DNAH17: variants seen among roughly 807,000 people sequenced by gnomAD.
DNAH17 encodes the protein dynein axonemal heavy chain 17.
A neutral mutation model predicts 485.6 loss-of-function variants in DNAH17; 376 were observed. The ratio of observed to expected loss-of-function variants is 0.77; its 90% CI spans 0.71 to 0.84. DNAH17 has a LOEUF of 0.84. DNAH17 is among the 40% of genes least tolerant of loss of function. The probability of loss-of-function intolerance (pLI) is 0.00; values close to 1 mark genes in which losing one functional copy is unlikely to be tolerated. For missense variants in DNAH17, 6,370 were observed against 5,839.3 expected, an observed-to-expected ratio of 1.09 and a Z score of -2.96; for synonymous variants, 3,031 against 2,405.9, an observed-to-expected ratio of 1.26 and a Z score of -7.60.
Position 78,466,850 on chromosome 17 carries a change from G to A in DNAH17, c.8779-34C>T, listed in dbSNP as rs62073517. On this transcript the variant is annotated intron_variant, in intron 55 of 80. Coordinates refer to ENST00000389840, the MANE Select transcript of DNAH17 (RefSeq NM_173628.4). ...GGGAGACACAGATGCGCTGCCTACT[G>A]GGACTGCAGTGCTGGGGCCTAATCC... 16 of 1,522,878 alleles carry A rather than the reference G, an allele frequency of 1.1e-5. No homozygotes were observed. In the African/African-American group the frequency reaches 1.3e-4, roughly 12 times the overall value. The allele number at this position is 1,522,878 out of a possible 1,614,324, so 94.3% of individuals were successfully genotyped here.
chr17:78,498,101 A>C (rs910641301), intron 37 of DNAH17, among the ~76,000 whole-genome samples: 2 of 151,904 alleles, frequency 1.3e-5, no homozygotes, highest in African/African-American at 2.4e-5. Flanking sequence ...AGACTGTGCC[A>C]TTGCACTCCA....
At chr17:78,541,331 G>T (rs1273190101) in intron 17 of DNAH17, among the ~76,000 whole-genome samples, 1 of 135,904 alleles carries the variant, frequency 7.4e-6, no homozygotes, top group African/African-American at 2.8e-5. Flanking sequence ...GGGTGGGTAG[G>T]GTGGGTGGAT....
chr17:78,501,429 G>T (rs576660935), intron 34 of DNAH17, 85 bp from the exon 35 acceptor site: 169 of 1,469,792 alleles, frequency 1.1e-4, no homozygotes, highest in Non-Finnish European at 1.5e-4. Context: ...CTCCAAGGCC[G>T]GTCCCCTGCT....
At chr17:78,485,511 G>A (rs1041650218) in intron 47 of DNAH17, 39 bp downstream of exon 47, 21 of 1,531,216 alleles carry the variant, frequency 1.4e-5, no homozygotes, top group East Asian at 9.7e-5. Context: ...ACTGGCGGGG[G>A]GCAGCCGGGT....
At chr17:78,529,414 G>A (rs540924822) in intron 22 of DNAH17, 58 bp downstream of exon 22, 15 of 1,562,820 alleles carry the variant, frequency 9.6e-6, no homozygotes, top group South Asian at 6.7e-5. Context: ...GTCCATGGTC[G>A]CGGCCGGGAT....
At position 78,553,068 on chromosome 17, in the gene DNAH17, C is replaced by G. The variant is rs567404051; in HGVS notation, c.2179-263G>C. Among the ~76,000 whole-genome samples, 41 of 152,096 alleles carry G rather than the reference C, an allele frequency of 2.7e-4. 1 individual carries two copies. The East Asian group carries it at 7.6e-3, about 28-fold the overall frequency. On this transcript the variant is annotated intron_variant, in intron 14 of 80. Coordinates refer to ENST00000389840, the MANE Select transcript of DNAH17 (RefSeq NM_173628.4). The stretch of plus-strand genomic sequence containing the variant: ...GATAGTGAATGAATTCTCGTGCAAT[C>G]TCCTTTTTAAACAGGTGTAGCACCT...
In DNAH17 at chr17:78,574,743, G is replaced by A. The variant is rs771413243; in HGVS notation, c.315C>T (p.Pro105=). ...RLLYGDISPT[P]VDQLIAVVEE... is the part of the protein sequence containing the mutation. ...CCACCACCGCGATCAGCTGGTCCAC[G>A]GGTGTGGGGCTGATGTCGCCGTAAA... Residue 105 remains proline, a synonymous_variant, in exon 2 of 81, where the codon CCC becomes CCT. Transcript: ENST00000389840. 12 of 1,612,308 alleles carry A rather than the reference G, an allele frequency of 7.4e-6. No individual in the cohort carries two copies. The highest frequency in any genetic ancestry group is 2.7e-5 in the African/African-American group (2 of 75,014).
chr17:78,525,210 GC>G (rs2091035614), intron 24 of DNAH17, 49 bp from the exon 25 acceptor site: 2 of 1,585,940 alleles, frequency 1.3e-6, no homozygotes, highest in African/African-American at 1.3e-5. Flanking sequence ...CCTCAGCGGT[GC>G]CCCACCCCAC....
In DNAH17 at chr17:78,505,403, G is replaced by A. The variant is rs2090454367; in HGVS notation, c.4846C>T (p.Leu1616=). 1 of 1,614,014 alleles carries A rather than the reference G, an allele frequency of 6.2e-7. No individual in the cohort carries two copies. ...LSKLFDSLCK[L]KFRLDASDKP... ...TCACTGGCATCGAGCCGGAACTTCA[G>A]TTTACACAGGCTATCGAAGAGTTTG... Residue 1616 remains leucine, a synonymous_variant, in exon 31 of 81, where the codon CTG becomes TTG. Coordinates refer to ENST00000389840, the MANE Select transcript of DNAH17 (RefSeq NM_173628.4).
chr17:78,479,107 T>C lies in DNAH17; in HGVS notation c.7910A>G (p.Gln2637Arg). ...QLVAAALALH[Q>R]KITATFLPTA... ...GGGAAGAAATGTTGCCGTGATTTTC[T>C]GATGCAAAGCTGTTAGAGGAAAAGG... The change falls in exon 51 of 81, where the codon CAG (glutamine) becomes CGG (arginine). Residue 2637 changes from glutamine (Q) to arginine (R), a missense_variant. Coordinates refer to ENST00000389840, the MANE Select transcript of DNAH17 (RefSeq NM_173628.4). The C allele has an allele frequency of 6.2e-7, 1 of 1,613,972 alleles. No homozygotes were observed. The highest frequency in any genetic ancestry group is 8.5e-7 in the Non-Finnish European group (1 of 1,179,882).
chr17:78,555,580 CA>C (rs1279128556), intron 14 of DNAH17, among the ~76,000 whole-genome samples: 5 of 133,080 alleles, frequency 3.8e-5, no homozygotes, highest in African/African-American at 1.4e-4. Context: ...GCAAGAAGGT[CA>C]AAAGAGAAGG....
At chr17:78,443,105 G>A (rs560263108) in intron 71 of DNAH17, among the ~76,000 whole-genome samples, 16 of 152,168 alleles carry the variant, frequency 1.1e-4, no homozygotes, top group Non-Finnish European at 1.8e-4. Context: ...AAATGCTTCC[G>A]CAGTGGGTGG....
chr17:78,428,766 C>T, intron 76 of DNAH17, 59 bp from the exon 77 acceptor site: 3 of 1,590,148 alleles, frequency 1.9e-6, no homozygotes, highest in East Asian at 2.2e-5. Context: ...AACCCATGTC[C>T]TGTTGGTTAA....
intron 17 of DNAH17, 38 bp downstream of exon 17, chr17:78,543,819 A>C: frequency 6.2e-7 from 1 of 1,613,874 alleles, no homozygotes; most frequent in Non-Finnish European, 8.5e-7. Context: ...TGCTAAAAGC[A>C]AGTGGGTTCT....
Position 78,491,471 on chromosome 17 carries a change from G to C in DNAH17, c.6641C>G (p.Ser2214Cys), listed in dbSNP as rs754191172. Residue 2214 changes from serine to cysteine, a missense_variant, in exon 43 of 81, where the codon TCT becomes TGT. Ser to Cys is a moderately radical substitution (Grantham distance 112, BLOSUM62 -1). Coordinates refer to ENST00000389840, the MANE Select transcript of DNAH17 (RefSeq NM_173628.4). Reference sequence around the variant, plus strand: ...GTTGTCATCCATGACTGTGTTGAGAGACTCGATCCACATGGGGTCTATGTC... The same window carrying C: ...GTTGTCATCCATGACTGTGTTGAGACACTCGATCCACATGGGGTCTATGTC... ...DGDIDPMWIESLNTVMDDNKV... is the reference protein window; with the variant it reads ...DGDIDPMWIECLNTVMDDNKV... 9.0e-5 allele frequency: 145 copies of C among 1,613,032 alleles called. No homozygotes were observed. The Admixed American group carries it at 2.4e-3, about 27-fold the overall frequency.
intron 74 of DNAH17, among the ~76,000 whole-genome samples, chr17:78,435,572 T>A (rs1285233010): frequency 6.6e-6 from 1 of 152,172 alleles, no homozygotes; most frequent in East Asian, 1.9e-4. Context: ...AGTCCCTGCC[T>A]CAGTGCCCCG....
intron 51 of DNAH17, among the ~76,000 whole-genome samples, chr17:78,477,478 A>G (rs2089085916): frequency 6.6e-6 from 1 of 152,156 alleles, no homozygotes; most frequent in Admixed American, 6.5e-5. Flanking sequence ...TCCTGGGTTC[A>G]AGTGATTCTC....
intron 16 of DNAH17, among the ~76,000 whole-genome samples, chr17:78,551,295 A>C (rs562685190): frequency 1.9e-3 from 288 of 152,336 alleles, no homozygotes; most frequent in Admixed American, 3.0e-3. Context: ...CTGGCCTGGC[A>C]CAGAGGGGGC....
intron 11 of DNAH17, among the ~76,000 whole-genome samples, chr17:78,562,941 C>T (rs1313194226): frequency 3.3e-5 from 5 of 152,264 alleles, no homozygotes; most frequent in African/African-American, 4.8e-5. Context: ...GAGAGTTTCC[C>T]GGGGCTGCCA....
Sources: gnomAD v4.1 joint callset for allele counts (sites outside exome capture counted in the v4.1 genomes callset) on GRCh38, gnomAD v4.1.1 for gene constraint, MANE v1.5 for transcripts, NCBI Gene and HGNC (gene_info 2026-07-23, HGNC 2026-07-21) for gene names.